The following TG variants were observed in gnomAD, a reference collection of about 807,000 sequenced individuals.
TG encodes thyroglobulin.
TG carries 270 observed loss-of-function variants against 324.7 expected under a neutral mutation model. The ratio of observed to expected loss-of-function variants is 0.83; its 90% CI spans 0.75 to 0.92. TG has a LOEUF of 0.92. TG is among the 40% of genes least tolerant of loss of function. The pLI is 0.00. For missense variants in TG, 3,591 were observed against 3,456.4 expected, an observed-to-expected ratio of 1.04 and a Z score of -0.98; for synonymous variants, 1,401 against 1,327.0, an observed-to-expected ratio of 1.06 and a Z score of -1.21.
At chr8:133,002,692 A>G in intron 35 of TG, 1 of 234,962 alleles carries the variant, frequency 4.3e-6, no homozygotes, top group South Asian at 7.3e-5. Context: ...GCGTGGAGCA[A>G]GCTGGCGCTT....
In TG at chr8:133,013,703, G is replaced by T. The variant is rs1291799273; in HGVS notation, c.6501G>T (p.Leu2167=). 5.0e-6 allele frequency: 8 copies of T among 1,614,012 alleles called. No individual in the cohort carries two copies. The highest frequency in any genetic ancestry group is 6.8e-6 in the Non-Finnish European group (8 of 1,180,036). The change falls in exon 37 of 48, where the codon CTG becomes CTT. Residue 2167 remains leucine, a synonymous_variant. Transcript: ENST00000220616. ...ATACTCAAAGCTGCACACATAGTCT[G>T]CAGGGTCAGAACTGCCGACTTCTGC... The part of the protein sequence containing the change: ...YADTQSCTHS[L]QGQNCRLLLR...
intron 41 of TG, among the ~76,000 whole-genome samples, chr8:133,064,984 T>A (rs1374993374): frequency 6.6e-6 from 1 of 152,120 alleles, no homozygotes; most frequent in East Asian, 1.9e-4. Flanking sequence ...TTGGTGACAG[T>A]TAGAATTAAT....
intron 41 of TG, chr8:133,040,037 G>C: frequency 6.4e-7 from 1 of 1,552,238 alleles, no homozygotes; most frequent in Non-Finnish European, 8.7e-7. Context: ...CTGACGCAAG[G>C]TGACAGGTGA....
intron 45 of TG, among the ~76,000 whole-genome samples, chr8:133,117,117 A>G (rs892565345): frequency 6.6e-6 from 1 of 152,182 alleles, no homozygotes; most frequent in Non-Finnish European, 1.5e-5. Context: ...TTTATATATC[A>G]TTCTTACTTC....
chr8:133,061,696 C>T (rs1842390648), intron 41 of TG, among the ~76,000 whole-genome samples: 1 of 152,212 alleles, frequency 6.6e-6, no homozygotes, highest in Non-Finnish European at 1.5e-5. Context: ...TCCCACCTAC[C>T]TGTGTCTGCA....
rs779359733 is a variant in TG at position 132,908,169 on chromosome 8, C to G, written c.3848-17C>G. The G allele has an allele frequency of 6.2e-7, 1 of 1,613,522 alleles. No individual in the cohort carries two copies. The highest frequency in any genetic ancestry group is 8.5e-7 in the Non-Finnish European group (1 of 1,180,010). ...ACAGGCCCATTGCCTCTGCTGATCT[C>G]TGGTGCTTGCCTGCAGGGCCCCAGC... On this transcript the variant is annotated splice_polypyrimidine_tract_variant and intron_variant, in intron 17 of 47. Coordinates refer to ENST00000220616, the MANE Select transcript of TG (RefSeq NM_003235.5).
Position 132,883,007 on chromosome 8 carries a change from T to G in TG, c.1075+8T>G, listed in dbSNP as rs184523779. On this transcript the variant is annotated splice_region_variant and intron_variant, in intron 8 of 47. Transcript: ENST00000220616. Reference sequence around the variant, plus strand: ...GGGAGCCGCCATCTTGTGGTGGGTTTCCTCTGGGGGCTTCCTCTTTCGGCC... The same window carrying G: ...GGGAGCCGCCATCTTGTGGTGGGTTGCCTCTGGGGGCTTCCTCTTTCGGCC... 389 of 1,613,358 alleles carry G rather than the reference T, an allele frequency of 2.4e-4. 2 individuals are homozygous for G. The African/African-American group carries it at 4.6e-3, about 19-fold the overall frequency.
At chr8:132,871,193 C>A (rs1273172057) in intron 3 of TG, among the ~76,000 whole-genome samples, 155 bp from the exon 4 acceptor site, 1 of 152,182 alleles carries the variant, frequency 6.6e-6, no homozygotes, top group East Asian at 1.9e-4. Flanking sequence ...CTAGCTAGGC[C>A]TGTTCTGTGG....
At chr8:133,100,601 T>C (rs1023781780) in intron 43 of TG, among the ~76,000 whole-genome samples, 2 of 152,208 alleles carry the variant, frequency 1.3e-5, no homozygotes, top group African/African-American at 2.4e-5. Flanking sequence ...TTATTATTAC[T>C]ATTTTTCAGA....
At chr8:133,032,639 A>G (rs1315106739) in intron 41 of TG, among the ~76,000 whole-genome samples, 1 of 152,216 alleles carries the variant, frequency 6.6e-6, no homozygotes, top group Non-Finnish European at 1.5e-5. Flanking sequence ...AAAATACTTC[A>G]ATATATTAGC....
At chr8:132,880,233 A>G (rs1401441497) in intron 5 of TG, among the ~76,000 whole-genome samples, 2 of 152,230 alleles carry the variant, frequency 1.3e-5, no homozygotes, top group Non-Finnish European at 2.9e-5. Flanking sequence ...AGTTCAAGAC[A>G]GTGGCCCATA....
chr8:133,093,321 C>T (rs1847879183), intron 41 of TG, among the ~76,000 whole-genome samples: 1 of 152,088 alleles, frequency 6.6e-6, no homozygotes, highest in Non-Finnish European at 1.5e-5. Flanking sequence ...TTTATTGCTG[C>T]TGCTTATCAG....
intron 35 of TG, among the ~76,000 whole-genome samples, chr8:133,010,634 T>G (rs1834421587): frequency 2.0e-5 from 3 of 152,172 alleles, no homozygotes; most frequent in Middle Eastern, 3.4e-3. Context: ...AGCTCTTCAG[T>G]GTTATTTGTG....
Position 132,961,093 on chromosome 8 carries a change from A to G in TG, c.5467+20A>G. The G allele has an allele frequency of 6.2e-7, 1 of 1,613,648 alleles. No homozygotes were observed. The highest frequency in any genetic ancestry group is 1.3e-5 in the African/African-American group (1 of 75,022). On this transcript the variant is annotated intron_variant, in intron 28 of 47. Transcript: ENST00000220616. ...GGAAAGGTGAGCTCCGTGGTGGAAG[A>G]GGGGGTTAGCAGGACGCTGATTACA...
In TG at chr8:132,900,278, C is replaced by G; in HGVS notation, c.3372C>G (p.Thr1124=). Residue 1124 remains threonine (T), a synonymous_variant, in exon 15 of 48, where the codon ACC becomes ACG. Transcript: ENST00000220616. ...GGCTGCAGGCATCGGGGGCTGGCAC[C>G]TGGTGTGTGGACCCTGCATCAGGAG... ...YARLQASGAG[T]WCVDPASGEE... 1 of 1,614,100 alleles carries G rather than the reference C, an allele frequency of 6.2e-7. No individual in the cohort carries two copies. The highest frequency in any genetic ancestry group is 8.5e-7 in the Non-Finnish European group (1 of 1,180,006).
chr8:133,042,678 CTTTTTTTTTTTTTTTTT>C (rs58739514), intron 41 of TG, among the ~76,000 whole-genome samples: 3,143 of 57,024 alleles, frequency 0.055, 199 homozygotes, highest in African/African-American at 0.2. Flanking sequence ...CATTCTGTGT[CTTTTTTTTTTTTTTTTT>C]TTTTTTTTTT....
chr8:133,131,086 G>A (rs1306444996), intron 45 of TG, among the ~76,000 whole-genome samples: 2 of 152,176 alleles, frequency 1.3e-5, no homozygotes, highest in Non-Finnish European at 2.9e-5. Context: ...CTCTCTTTGG[G>A]CAAAGCCCGA....
Position 132,913,698 on chromosome 8 carries a change from G to A in TG, c.4378+433G>A, listed in dbSNP as rs141514960. On this transcript the variant is annotated intron_variant, in intron 20 of 47. Transcript: ENST00000220616. ...GGTTCACTTGGGTTGCTCTTGCCTCGCCTGTGAGTAGTTTGGGGGCCATTT... is the reference window on the plus strand; with the variant it reads ...GGTTCACTTGGGTTGCTCTTGCCTCACCTGTGAGTAGTTTGGGGGCCATTT... Among the ~76,000 whole-genome samples the A allele has an allele frequency of 1.5e-3, 227 of 152,250 alleles. 1 individual carries two copies. Among genetic ancestry groups the A allele is most frequent in the African/African-American group, 5.4e-3 (223 of 41,540 alleles).
chr8:132,905,331 A>C (rs1200309098), intron 16 of TG, among the ~76,000 whole-genome samples: 3 of 152,178 alleles, frequency 2.0e-5, no homozygotes, highest in Non-Finnish European at 4.4e-5. Context: ...ACTTGGTGAA[A>C]GACAACTCAA....
Sources: allele counts gnomAD v4.1 joint callset (sites outside exome capture counted in the v4.1 genomes callset), GRCh38; gene constraint gnomAD v4.1.1; transcripts MANE v1.5; gene names NCBI Gene and HGNC (gene_info 2026-07-23, HGNC 2026-07-21).